The following IGSF21 variants were observed in gnomAD, a reference collection of about 807,000 sequenced individuals.
IGSF21 encodes immunoglobin superfamily member 21, also known as immunoglobulin superfamily member 21.
Under a neutral mutation model 46.8 loss-of-function variants are expected in IGSF21, and 28 were observed. The ratio of observed to expected loss-of-function variants is 0.60; its 90% CI spans 0.44 to 0.82. The LOEUF (loss-of-function observed/expected upper bound fraction) is 0.82, where lower values mean the gene tolerates loss of function less well. Among genes scored for constraint, IGSF21 ranks in the 40% least tolerant of loss-of-function variants. IGSF21 has a pLI of 0.00. For synonymous variants in IGSF21, 284 were observed against 273.6 expected (o/e 1.04, Z -0.38); for missense variants, 624 against 665.5 (o/e 0.94, Z 0.69).
chr1:18,289,801 G>A (rs1011896041), intron 2 of IGSF21, among the ~76,000 whole-genome samples: 5 of 152,196 alleles, frequency 3.3e-5, no homozygotes, highest in Non-Finnish European at 7.3e-5. Flanking sequence ...TGAGCTTGCT[G>A]TATGTCCCCT....
At chr1:18,237,329 A>G (rs1046692456) in intron 2 of IGSF21, among the ~76,000 whole-genome samples, 1 of 152,172 alleles carries the variant, frequency 6.6e-6, no homozygotes, top group African/African-American at 2.4e-5. Flanking sequence ...GTCTGAAGGT[A>G]TAAAGAAGGA....
chr1:18,162,830 C>T (rs1421010465), intron 1 of IGSF21, among the ~76,000 whole-genome samples: 1 of 152,086 alleles, frequency 6.6e-6, no homozygotes, highest in Non-Finnish European at 1.5e-5. Flanking sequence ...CCGTATTCAC[C>T]CTCTAAACCA....
chr1:18,358,567 T>C (rs2086049813), intron 4 of IGSF21, among the ~76,000 whole-genome samples: 1 of 152,228 alleles, frequency 6.6e-6, no homozygotes, highest in Non-Finnish European at 1.5e-5. Flanking sequence ...CACTAAACTG[T>C]GAATGCTCCA....
intron 3 of IGSF21, among the ~76,000 whole-genome samples, chr1:18,304,724 C>CACAT (rs2085394783): frequency 6.5e-5 from 3 of 46,030 alleles, no homozygotes; most frequent in Admixed American, 2.4e-4. Context: ...CACACACACA[C>CACAT]ACACATACAC....
intron 2 of IGSF21, among the ~76,000 whole-genome samples, chr1:18,273,064 T>TTTTTTTTTG (rs2085058805): frequency 7.0e-6 from 1 of 143,108 alleles, no homozygotes; most frequent in African/African-American, 2.7e-5. Flanking sequence ...TTTTTTTTTT[T>TTTTTTTTTG]AGATGGAGTC....
chr1:18,134,302 G>A (rs982561788), intron 1 of IGSF21, among the ~76,000 whole-genome samples: 1 of 152,106 alleles, frequency 6.6e-6, no homozygotes, highest in East Asian at 1.9e-4. Flanking sequence ...TTCCCCTTCT[G>A]TAAGGGGGGC....
Position 18,365,745 on chromosome 1 carries a change from G to C in IGSF21, c.1015+48G>C, listed in dbSNP as rs776433233. The C allele has an allele frequency of 2.3e-5, 35 of 1,495,610 alleles. No homozygotes were observed. Among genetic ancestry groups the C allele is most frequent in the Non-Finnish European group, 3.0e-5 (33 of 1,092,300 alleles). The allele number at this position is 1,495,610 out of a possible 1,614,324, so 92.6% of individuals were successfully genotyped here. On this transcript the variant is annotated intron_variant, in intron 6 of 9. Transcript: ENST00000251296. The surrounding 1 kb of genome is among the most constrained non-coding windows in gnomAD (Gnocchi z 4.8). Reference sequence around the variant, plus strand: ...CTGTAGAGCCCTTGCAGACCTGGGTGTGGGGAGAGCCTTGGAATAGGGTTC... The same window carrying C: ...CTGTAGAGCCCTTGCAGACCTGGGTCTGGGGAGAGCCTTGGAATAGGGTTC...
chr1:18,371,336 C>T (rs2086221384), intron 6 of IGSF21, among the ~76,000 whole-genome samples: 1 of 152,122 alleles, frequency 6.6e-6, no homozygotes, highest in Admixed American at 6.5e-5. Flanking sequence ...CTTTGGGAGG[C>T]CGAGGCAGGT....
chr1:18,331,824 A>G (rs2085716382), intron 3 of IGSF21, among the ~76,000 whole-genome samples: 2 of 152,212 alleles, frequency 1.3e-5, no homozygotes, highest in African/African-American at 4.8e-5. Context: ...TATTAGGAGT[A>G]GAACACCCAG....
rs1448884014 is a variant in IGSF21 at position 18,295,900 on chromosome 1, C to T, written c.305+3913C>T. Among the ~76,000 whole-genome samples, 3 of 152,330 alleles carry T rather than the reference C, an allele frequency of 2.0e-5. No homozygotes were observed. In the East Asian group the frequency reaches 5.8e-4, roughly 29 times the overall value. ...CAGTTCAGATGCATGCTCAGGAGGA[C>T]AAAGTACAAGCTCCTCCTTCACCTC... is the stretch of plus-strand genomic sequence containing the variant. On this transcript the variant is annotated intron_variant, in intron 3 of 9. Coordinates refer to ENST00000251296, the MANE Select transcript of IGSF21 (RefSeq NM_032880.5).
At chr1:18,231,714 G>C (rs1430458431) in intron 2 of IGSF21, among the ~76,000 whole-genome samples, 3 of 152,172 alleles carry the variant, frequency 2.0e-5, no homozygotes, top group Admixed American at 2.0e-4. Flanking sequence ...GACAGATGAA[G>C]TATAGCACGT....
At chr1:18,169,181 T>G (rs1027107255) in intron 1 of IGSF21, among the ~76,000 whole-genome samples, 1 of 152,236 alleles carries the variant, frequency 6.6e-6, no homozygotes, top group African/African-American at 2.4e-5. Context: ...TGGGCCCCAA[T>G]GGCCCAGGCA....
chr1:18,286,499 T>C (rs2085213080), intron 2 of IGSF21, among the ~76,000 whole-genome samples: 1 of 152,210 alleles, frequency 6.6e-6, no homozygotes, highest in East Asian at 1.9e-4. Flanking sequence ...GCCTCTTCTG[T>C]CTGGTCCAGG....
At chr1:18,139,966 A>C (rs1033207387) in intron 1 of IGSF21, among the ~76,000 whole-genome samples, 2 of 152,168 alleles carry the variant, frequency 1.3e-5, no homozygotes, top group African/African-American at 4.8e-5. Flanking sequence ...AATTTTATTT[A>C]GACAGGGTCT....
chr1:18,219,353 T>C (rs1385414219), intron 1 of IGSF21, among the ~76,000 whole-genome samples: 1 of 152,130 alleles, frequency 6.6e-6, no homozygotes, highest in Non-Finnish European at 1.5e-5. Context: ...GGTGAGGATA[T>C]TCTTAGGAAG....
At chr1:18,336,371 T>C (rs2085766235) in intron 4 of IGSF21, among the ~76,000 whole-genome samples, 2 of 152,334 alleles carry the variant, frequency 1.3e-5, no homozygotes, top group East Asian at 1.9e-4. Context: ...ACATGTGTTA[T>C]GTCATTTAGT....
intron 2 of IGSF21, among the ~76,000 whole-genome samples, chr1:18,258,811 A>G (rs1050533486): frequency 6.6e-6 from 1 of 152,214 alleles, no homozygotes; most frequent in African/African-American, 2.4e-5. Context: ...TTTCTGATAC[A>G]AGGCTTAGCA....
At chr1:18,313,297 T>C (rs1023956272) in intron 3 of IGSF21, among the ~76,000 whole-genome samples, 4 of 152,164 alleles carry the variant, frequency 2.6e-5, no homozygotes, top group Non-Finnish European at 4.4e-5. Context: ...GTCTCTGCTA[T>C]GGATAATAAA....
intron 1 of IGSF21, among the ~76,000 whole-genome samples, chr1:18,227,054 C>T (rs2084575036): frequency 1.3e-5 from 2 of 152,184 alleles, no homozygotes. Context: ...CCAGGCACTC[C>T]CAGGGGCAGC....
Sources: gnomAD v4.1 joint callset for allele counts (sites outside exome capture counted in the v4.1 genomes callset) on GRCh38, gnomAD v4.1.1 for gene constraint, Gnocchi (gnomAD v3.1) non-coding constraint, MANE v1.5 for transcripts, NCBI Gene and HGNC (gene_info 2026-07-23, HGNC 2026-07-21) for gene names.